The following STXBP5 variants were observed in gnomAD, a reference collection of about 807,000 sequenced individuals.
STXBP5 encodes the protein syntaxin-binding protein 5.
STXBP5 carries 50 observed loss-of-function variants against 152.4 expected under a neutral mutation model. That is an observed-to-expected ratio of 0.33 (90% confidence interval 0.26 to 0.42). STXBP5 has a LOEUF of 0.42. Ranked by LOEUF, STXBP5 falls within the 10% of genes least tolerant of loss-of-function variation. The pLI, the probability that STXBP5 is intolerant of heterozygous loss-of-function variation, is 1.00. For synonymous variants in STXBP5, 492 were observed against 494.7 expected, an observed-to-expected ratio of 0.99 and a Z score of 0.07; for missense variants, 1,167 against 1,388.6, an observed-to-expected ratio of 0.84 and a Z score of 2.54.
At chr6:147,365,349 G>A (rs1583001606) in intron 25 of STXBP5, among the ~76,000 whole-genome samples, 1 of 152,070 alleles carries the variant, frequency 6.6e-6, no homozygotes, top group South Asian at 2.1e-4. Context: ...TTTCCTTTTA[G>A]CATTTCCTTT....
chr6:147,311,738 T>C (rs538672525), intron 11 of STXBP5, among the ~76,000 whole-genome samples: 1 of 152,278 alleles, frequency 6.6e-6, no homozygotes, highest in South Asian at 2.1e-4. Flanking sequence ...AGGTAAAAAT[T>C]TGTTGTAGTT....
chr6:147,340,719 G>A (rs767614911), intron 21 of STXBP5, among the ~76,000 whole-genome samples: 2 of 151,954 alleles, frequency 1.3e-5, no homozygotes, highest in Non-Finnish European at 2.9e-5. Flanking sequence ...CTTATATTTT[G>A]TGCTGGGGTT....
intron 2 of STXBP5, among the ~76,000 whole-genome samples, chr6:147,229,899 A>G (rs1047472667): frequency 2.0e-5 from 3 of 151,886 alleles, no homozygotes; most frequent in Admixed American, 6.6e-5. Context: ...TGTTGAGTAG[A>G]TGAGTGGTGA....
chr6:147,344,073 T>A (rs760646767), intron 21 of STXBP5, among the ~76,000 whole-genome samples: 8 of 152,314 alleles, frequency 5.3e-5, no homozygotes, highest in Middle Eastern at 6.8e-3. Flanking sequence ...TGAGTCTGAG[T>A]ACTAACAAAT....
intron 4 of STXBP5, among the ~76,000 whole-genome samples, chr6:147,248,355 A>G (rs1778917149): frequency 6.6e-6 from 1 of 152,180 alleles, no homozygotes. Flanking sequence ...TAATGCATGA[A>G]TAGCTTACAT....
At chr6:147,367,582 G>T (rs1426399511) in intron 25 of STXBP5, among the ~76,000 whole-genome samples, 1 of 152,114 alleles carries the variant, frequency 6.6e-6, no homozygotes, top group Non-Finnish European at 1.5e-5. Context: ...AGCTTGCAGT[G>T]AGCTGAGATC....
chr6:147,283,227 G>C (rs1436553956), intron 8 of STXBP5, among the ~76,000 whole-genome samples: 26 of 152,126 alleles, frequency 1.7e-4, no homozygotes, highest in Admixed American at 1.7e-3. Context: ...TTCTGTTGAA[G>C]GTCACTGAGG....
intron 4 of STXBP5, among the ~76,000 whole-genome samples, chr6:147,253,224 T>C (rs1156612414): frequency 6.6e-6 from 1 of 152,130 alleles, no homozygotes; most frequent in Non-Finnish European, 1.5e-5. Flanking sequence ...ATTATCTCAA[T>C]AGATGCAGAG....
At chr6:147,348,668 C>T (rs752037337) in intron 21 of STXBP5, among the ~76,000 whole-genome samples, 27 of 152,104 alleles carry the variant, frequency 1.8e-4, no homozygotes, top group Non-Finnish European at 2.1e-4. Flanking sequence ...GGGAGTAGTA[C>T]TGGCATTAAT....
chr6:147,297,850 T>C (rs1348077166), intron 9 of STXBP5, among the ~76,000 whole-genome samples: 1 of 151,560 alleles, frequency 6.6e-6, no homozygotes, highest in Non-Finnish European at 1.5e-5. Context: ...AAGAAATAAA[T>C]CACAGCAGAT....
chr6:147,320,857 A>G (rs1477032830), intron 16 of STXBP5, among the ~76,000 whole-genome samples: 1 of 152,042 alleles, frequency 6.6e-6, no homozygotes, highest in Non-Finnish European at 1.5e-5. Context: ...TTTAGAGAAA[A>G]CCCAAGAACA....
intron 2 of STXBP5, 94 bp downstream of exon 2, chr6:147,206,162 C>T: frequency 4.6e-6 from 5 of 1,084,560 alleles, no homozygotes; most frequent in Non-Finnish European, 6.8e-6. Flanking sequence ...TTTTATTTTC[C>T]TGTTGGTGTG....
rs1246452726 is a variant in STXBP5, at chr6:147,204,428, C to T, written c.-105C>T. On this transcript the variant is annotated 5_prime_UTR_variant, in exon 1 of 28. Coordinates refer to ENST00000321680, the MANE Select transcript of STXBP5 (RefSeq NM_001127715.4). This position sits in a 1 kb window ranked among gnomAD's most constrained non-coding sequence, Gnocchi z 4.3. ...GCCTCCTTACCCTCACACTCCCACT[C>T]CTCCGTTTCCGCGGTCGAAGCTGCC... 2 of 1,095,108 alleles carry T rather than the reference C, an allele frequency of 1.8e-6. No individual in the cohort carries two copies. The highest frequency in any genetic ancestry group is 2.7e-6 in the Non-Finnish European group (2 of 753,336). The allele number at this position is 1,095,108 out of a possible 1,614,324, so 67.8% of individuals were successfully genotyped here.
At chr6:147,283,751 A>G (rs1780812786) in intron 8 of STXBP5, among the ~76,000 whole-genome samples, 2 of 152,140 alleles carry the variant, frequency 1.3e-5, no homozygotes. Context: ...TAAACAACAC[A>G]TCATAAATCC....
intron 26 of STXBP5, among the ~76,000 whole-genome samples, chr6:147,380,048 A>G (rs1274625079): frequency 1.3e-5 from 2 of 150,330 alleles, no homozygotes; most frequent in Non-Finnish European, 3.0e-5. Flanking sequence ...GTTAAGTGGC[A>G]GTATCCACAA....
intron 9 of STXBP5, among the ~76,000 whole-genome samples, chr6:147,301,342 A>G (rs2128361886): frequency 6.6e-6 from 1 of 152,174 alleles, no homozygotes; most frequent in South Asian, 2.1e-4. Flanking sequence ...CAATATCTGC[A>G]CTCCCATGTT....
At chr6:147,310,315 G>T (rs1782301512) in intron 10 of STXBP5, 77 bp downstream of exon 10, 1 of 1,147,198 alleles carries the variant, frequency 8.7e-7, no homozygotes, top group African/African-American at 1.6e-5. Context: ...AGGTTGTTTA[G>T]ATAAAACTAC....
intron 9 of STXBP5, among the ~76,000 whole-genome samples, chr6:147,296,888 C>T (rs673944): frequency 0.57 from 86,259 of 151,614 alleles, 25,410 homozygotes; most frequent in African/African-American, 0.73. Flanking sequence ...AATTTGAAGG[C>T]AGGTCTTTTG....
At chr6:147,279,150 GACCTGCTGTGTTAACTATTTTCTGCATA>G (rs1394781003) in intron 8 of STXBP5, among the ~76,000 whole-genome samples, 2 of 152,190 alleles carry the variant, frequency 1.3e-5, no homozygotes, top group African/African-American at 4.8e-5. Flanking sequence ...AGCAGCCACA[GACCTGCTGTGTTAACTATTTTCTGCATA>G]AGTAGTACTT....
Sources: gnomAD v4.1 joint callset for allele counts (sites outside exome capture counted in the v4.1 genomes callset) on GRCh38, gnomAD v4.1.1 for gene constraint, Gnocchi (gnomAD v3.1) non-coding constraint, MANE v1.5 for transcripts, NCBI Gene and HGNC (gene_info 2026-07-23, HGNC 2026-07-21) for gene names.